SVIL: variants seen among roughly 807,000 people sequenced by gnomAD.
SVIL encodes the protein supervillin, also known as archvillin.
Under a neutral mutation model 240.4 loss-of-function variants are expected in SVIL, and 101 were observed. That is an observed-to-expected ratio of 0.42 (90% CI 0.36 to 0.50). SVIL has a LOEUF of 0.50. Ranked by LOEUF, SVIL falls within the 20% of genes least tolerant of loss-of-function variation. The pLI is 0.01. For synonymous variants in SVIL, 999 were observed against 1,100.0 expected (o/e 0.91, Z 1.82); for missense variants, 2,512 against 2,818.7 (o/e 0.89, Z 2.46).
intron 1 of SVIL, among the ~76,000 whole-genome samples, chr10:29,712,905 G>A (rs886951602): frequency 3.3e-5 from 5 of 152,158 alleles, no homozygotes; most frequent in Admixed American, 3.3e-4. Flanking sequence ...GGCTGGGCAC[G>A]GTGGCTCAGG....
intron 2 of SVIL, among the ~76,000 whole-genome samples, chr10:29,567,680 T>C (rs1391001422): frequency 2.0e-5 from 3 of 152,182 alleles, no homozygotes; most frequent in South Asian, 2.1e-4. Context: ...TAGTCACTTA[T>C]TAGCTCCATG....
At chr10:29,496,592 T>A (rs973767884) in intron 18 of SVIL, 1 of 306,358 alleles carries the variant, frequency 3.3e-6, no homozygotes. Context: ...AGTGGCACTA[T>A]GCAAACGTGC....
intron 17 of SVIL, among the ~76,000 whole-genome samples, chr10:29,505,697 A>G (rs974440591): frequency 1.3e-5 from 2 of 152,240 alleles, no homozygotes; most frequent in Non-Finnish European, 2.9e-5. Flanking sequence ...TGACGCGTCA[A>G]CGTAGGTTCA....
At chr10:29,470,217 GC>G in intron 32 of SVIL, 58 bp downstream of exon 32, 2 of 1,589,858 alleles carry the variant, frequency 1.3e-6, no homozygotes, top group South Asian at 2.2e-5. Context: ...CCCTGAGCCT[GC>G]CCCGTCCCTC....
rs113856345 is a variant in SVIL, at chr10:29,462,404, G to T, written c.6278-3C>A. ...GGCTGGTTTCTTGAGATTTTTTCCTGTAGTTACACAGATTGCAATGTCAGT... is the reference window on the plus strand; with the variant it reads ...GGCTGGTTTCTTGAGATTTTTTCCTTTAGTTACACAGATTGCAATGTCAGT... On this transcript the variant is annotated splice_region_variant and splice_polypyrimidine_tract_variant and intron_variant, in intron 35 of 37. Transcript: ENST00000355867. The T allele has an allele frequency of 6.2e-7, 1 of 1,613,790 alleles. No individual in the cohort carries two copies. The highest frequency in any genetic ancestry group is 8.5e-7 in the Non-Finnish European group (1 of 1,179,900).
At chr10:29,727,487 G>A (rs1964357654) in intron 1 of SVIL, among the ~76,000 whole-genome samples, 1 of 151,914 alleles carries the variant, frequency 6.6e-6, no homozygotes, top group Admixed American at 6.6e-5. Flanking sequence ...CTCCCTGGGT[G>A]CCATGAGTCC....
chr10:29,721,268 C>T (rs1190046588), intron 1 of SVIL, among the ~76,000 whole-genome samples: 1 of 122,568 alleles, frequency 8.2e-6, no homozygotes, highest in Non-Finnish European at 1.9e-5. Context: ...AAAAAAACAC[C>T]TCAATCCAAA....
At chr10:29,509,312 A>G (rs1336637678) in intron 17 of SVIL, among the ~76,000 whole-genome samples, 4 of 129,212 alleles carry the variant, frequency 3.1e-5, no homozygotes, top group African/African-American at 5.4e-5. Flanking sequence ...GGAGAGAGAA[A>G]GGGAGAAGGA....
At chr10:29,461,917 G>T (rs1490712713) in intron 36 of SVIL, among the ~76,000 whole-genome samples, 1 of 152,184 alleles carries the variant, frequency 6.6e-6, no homozygotes, top group Non-Finnish European at 1.5e-5. Context: ...ATGAGGGTTT[G>T]GTTGTGCGTC....
upstream of SVIL, among the ~76,000 whole-genome samples, chr10:29,637,809 C>T (rs1336280775): frequency 2.0e-5 from 3 of 152,184 alleles, no homozygotes; most frequent in Admixed American, 6.5e-5. Flanking sequence ...CGTTCCACGA[C>T]CTGGATAAGA....
At chr10:29,555,896 A>G (rs1167393656) in intron 3 of SVIL, among the ~76,000 whole-genome samples, 2 of 152,216 alleles carry the variant, frequency 1.3e-5, no homozygotes, top group African/African-American at 4.8e-5. Context: ...TTGTGTTTCC[A>G]GCAGTGCCTA....
intron 3 of SVIL, among the ~76,000 whole-genome samples, chr10:29,556,295 G>C (rs1953928775): frequency 6.6e-6 from 1 of 152,160 alleles, no homozygotes; most frequent in Non-Finnish European, 1.5e-5. Flanking sequence ...GGGGTGGCTG[G>C]ACAGCCTGGG....
rs757195708 is a variant in SVIL, at chr10:29,530,629, G to A, written c.2084C>T (p.Ala695Val). 6.2e-7 allele frequency: 1 copy of A among 1,614,138 alleles called. No individual in the cohort carries two copies. Among genetic ancestry groups the A allele is most frequent in the Non-Finnish European group, 8.5e-7 (1 of 1,180,016 alleles). ...KVDERAKLSV[A>V]AKRLLFREME... ...TACCCTGAAAAGCAACCTCTTGGCG[G>A]CGACGCTCAGCTTGGCTCGTTCATC... Residue 695 changes from alanine (A) to valine (V), a missense_variant, in exon 11 of 38, where the codon GCC becomes GTC. Around this residue, in one of 3 missense-constraint regions of SVIL, gnomAD observed 1,443 missense variants for 1,486.6 expected, o/e 0.97. Coordinates refer to ENST00000355867, the MANE Select transcript of SVIL (RefSeq NM_021738.3).
chr10:29,615,832 A>G (rs1392655853), intron 1 of SVIL, among the ~76,000 whole-genome samples: 1 of 152,232 alleles, frequency 6.6e-6, no homozygotes, highest in Admixed American at 6.5e-5. Context: ...TTGTTTAGAG[A>G]TATCTGCCTC....
At chr10:29,538,898 C>T (rs12415452) in intron 6 of SVIL, among the ~76,000 whole-genome samples, 16,827 of 152,172 alleles carry the variant, frequency 0.11, 1,141 homozygotes, top group Non-Finnish European at 0.15. Flanking sequence ...TGGTGGCTCA[C>T]GCCTCTTGTA....
rs966080627 is a variant in SVIL at position 29,731,690 on chromosome 10, T to C, written c.-400+4061A>G. 8.5e-5 allele frequency among the ~76,000 whole-genome samples: 13 copies of C among 152,346 alleles called. No individual in the cohort carries two copies. The East Asian group carries it at 1.2e-3, about 14-fold the overall frequency. On this transcript the variant is annotated intron_variant, in intron 1 of 35. Transcript: ENST00000375400. ...AAAAAAAAATGTTAATTCTGACATT[T>C]CCTTTTAAACCGCCTCCCCTGACAG...
intron 1 of SVIL, among the ~76,000 whole-genome samples, chr10:29,734,814 T>C (rs1964803982): frequency 6.6e-6 from 1 of 152,184 alleles, no homozygotes; most frequent in Non-Finnish European, 1.5e-5. Context: ...CTGACATTTC[T>C]ATGACAAAAC....
chr10:29,730,514 C>T (rs1030679229), intron 1 of SVIL, among the ~76,000 whole-genome samples: 5 of 152,182 alleles, frequency 3.3e-5, no homozygotes, highest in South Asian at 2.1e-4. Context: ...AAGAACCCAA[C>T]GGGGTTCTTG....
Position 29,512,764 on chromosome 10 carries a change from G to T in SVIL, c.3487C>A (p.Gln1163Lys), listed in dbSNP as rs1320593383. 6.2e-7 allele frequency: 1 copy of T among 1,614,002 alleles called. No homozygotes were observed. The highest frequency in any genetic ancestry group is 8.5e-7 in the Non-Finnish European group (1 of 1,180,046). ...TTGATGAGGGACCGCCCTGCTTCCT[G>T]GGTGTGCAGGCTGCTGGCCGGCGCC... ...GKAPASSLHT[Q>K]EAGRSLIKKR... Residue 1163 changes from glutamine (Q) to lysine (K), a missense_variant, in exon 17 of 38, where the codon CAG becomes AAG. This residue lies in a region of SVIL where 1,443 missense variants were observed against 1,486.6 expected (regional missense o/e 0.97). Coordinates refer to ENST00000355867, the MANE Select transcript of SVIL (RefSeq NM_021738.3).
Sources: allele counts gnomAD v4.1 joint callset (sites outside exome capture counted in the v4.1 genomes callset), GRCh38; gene constraint gnomAD v4.1.1; regional missense constraint gnomAD v4.1.1; transcripts MANE v1.5; gene names NCBI Gene and HGNC (gene_info 2026-07-23, HGNC 2026-07-21).